The following DLG1 variants were observed in gnomAD, a reference collection of about 807,000 sequenced individuals.
DLG1 encodes disks large homolog 1.
In DLG1, 42 loss-of-function variants were observed where a neutral mutation model predicts 123.4. That is an observed-to-expected ratio of 0.34 (90% CI 0.27 to 0.44). The LOEUF (loss-of-function observed/expected upper bound fraction) is 0.44, where lower values mean the gene tolerates loss of function less well. DLG1 is among the 20% of genes least tolerant of loss of function. The pLI, the probability that DLG1 is intolerant of heterozygous loss-of-function variation, is 1.00. For missense variants in DLG1, 942 were observed against 1,082.6 expected (o/e 0.87, Z 1.82); for synonymous variants, 317 against 356.2 (o/e 0.89, Z 1.24).
At position 197,044,631 on chromosome 3, in the gene DLG1, T is replaced by A; in HGVS notation, c.2674A>T (p.Lys892Ter). The A allele has an allele frequency of 1.2e-6, 2 of 1,602,674 alleles. No individual in the cohort carries two copies. Among genetic ancestry groups the A allele is most frequent in the Non-Finnish European group, 1.7e-6 (2 of 1,172,970 alleles). ...GSYIWVPAKE[K>*]L Reference sequence around the variant, plus strand: ...CAGAGAAACATGAGTTTTCATAGCTTTTCTTTTGCCGGAACCCAGATGTAA... The same window carrying A: ...CAGAGAAACATGAGTTTTCATAGCTATTCTTTTGCCGGAACCCAGATGTAA... Residue 892 changes from lysine (K) to a stop codon, truncating the protein, a stop_gained, in exon 25 of 25, where the codon AAG (lysine) becomes TAG (stop). Transcript: ENST00000667157. LOFTEE classifies it high-confidence loss of function.
At chr3:197,171,884 C>T (rs991126522) in intron 5 of DLG1, among the ~76,000 whole-genome samples, 1 of 152,110 alleles carries the variant, frequency 6.6e-6, no homozygotes, top group African/African-American at 2.4e-5. Context: ...AAACCACAGA[C>T]TTCATGACTA....
In DLG1 at chr3:197,208,950, G is replaced by C. The variant is rs955269509; in HGVS notation, c.319-14361C>G. Among the ~76,000 whole-genome samples the C allele has an allele frequency of 3.0e-4, 44 of 145,820 alleles. 11 individuals carry two copies. The highest frequency in any genetic ancestry group is 6.6e-4 in the Non-Finnish European group (43 of 64,982). ...ATGAGTTGATAAAACAATCATTACA[G>C]GAGATACTGGTACACAGCTAGAAAA... On this transcript the variant is annotated intron_variant, in intron 4 of 24. Transcript: ENST00000667157.
rs1778024947 is a variant in DLG1 at position 197,297,462 on chromosome 3, ACT to A, written c.-31-229_-31-228del. 5.2e-6 allele frequency: 7 copies of A among 1,345,000 alleles called. No individual in the cohort carries two copies. The African/African-American group carries it at 8.9e-5, about 17-fold the overall frequency. The allele number at this position is 1,345,000 out of a possible 1,614,324, so 83.3% of individuals were successfully genotyped here. A position where few individuals can be genotyped will look rare whatever the true frequency, so the allele number is the denominator to read the frequency against. On this transcript the variant is annotated intron_variant, in intron 1 of 24. Transcript: ENST00000667157. ...AGAACAGACAGAAGTCGGCTTCCAA[ACT>A]CTCCTCGAAAGCGTCCCCTCCCCAA...
chr3:197,073,304 A>C (rs944928178), intron 18 of DLG1, among the ~76,000 whole-genome samples: 1 of 152,232 alleles, frequency 6.6e-6, no homozygotes, highest in Non-Finnish European at 1.5e-5. Flanking sequence ...GTTGTACAAC[A>C]TGGAAAGTTG....
chr3:197,228,695 C>T (rs555676792), intron 4 of DLG1, among the ~76,000 whole-genome samples: 5 of 152,140 alleles, frequency 3.3e-5, no homozygotes, highest in Non-Finnish European at 7.4e-5. Flanking sequence ...TAGATTTGCA[C>T]TAAAGTGTCT....
intron 14 of DLG1, among the ~76,000 whole-genome samples, chr3:197,099,685 G>A (rs982446812): frequency 1.3e-4 from 20 of 152,142 alleles, no homozygotes; most frequent in African/African-American, 4.6e-4. Flanking sequence ...GGGTATGGGG[G>A]AAATTGGACT....
intron 5 of DLG1, among the ~76,000 whole-genome samples, chr3:197,181,849 A>G (rs1054638808): frequency 2.6e-5 from 4 of 152,210 alleles, no homozygotes; most frequent in African/African-American, 9.6e-5. Flanking sequence ...ATACTAGCAT[A>G]CAGGAATGCT....
At chr3:197,144,116 C>T (rs1419664251) in intron 6 of DLG1, among the ~76,000 whole-genome samples, 1 of 152,180 alleles carries the variant, frequency 6.6e-6, no homozygotes, top group Non-Finnish European at 1.5e-5. Flanking sequence ...AACTAAATCA[C>T]CCTACCATCA....
intron 5 of DLG1, among the ~76,000 whole-genome samples, chr3:197,169,436 T>C (rs1802999716): frequency 6.6e-6 from 1 of 152,182 alleles, no homozygotes; most frequent in Admixed American, 6.5e-5. Flanking sequence ...ACATTTTGAA[T>C]GTAGAGTTGG....
At chr3:197,253,165 A>G (rs978683456) in intron 4 of DLG1, among the ~76,000 whole-genome samples, 2 of 152,198 alleles carry the variant, frequency 1.3e-5, no homozygotes, top group African/African-American at 4.8e-5. Flanking sequence ...TGGAAATGAT[A>G]TATCTGACTA....
At chr3:197,090,256 G>C (rs1415395261) in intron 15 of DLG1, among the ~76,000 whole-genome samples, 3 of 148,974 alleles carry the variant, frequency 2.0e-5, no homozygotes, top group Non-Finnish European at 4.5e-5. Context: ...AAAGTATACA[G>C]AATACAAATA....
intron 13 of DLG1, among the ~76,000 whole-genome samples, chr3:197,108,469 C>A (rs1767845547): frequency 6.6e-6 from 1 of 152,040 alleles, no homozygotes; most frequent in Admixed American, 6.5e-5. Flanking sequence ...AATTCAATTT[C>A]CTTGTTTTAA....
At chr3:197,212,409 A>G (rs546912380) in intron 4 of DLG1, among the ~76,000 whole-genome samples, 5 of 152,340 alleles carry the variant, frequency 3.3e-5, no homozygotes, top group East Asian at 1.9e-4. Flanking sequence ...AACTGTCTCT[A>G]TTTGCAAATG....
chr3:197,081,908 A>C (rs1210694006), intron 16 of DLG1, among the ~76,000 whole-genome samples: 1 of 152,228 alleles, frequency 6.6e-6, no homozygotes, highest in Non-Finnish European at 1.5e-5. Context: ...GCAAAATGTC[A>C]TGTAAATTAA....
Position 197,247,687 on chromosome 3 carries a change from T to TA in DLG1, c.318+34991dup, listed in dbSNP as rs549396279. 5.2e-4 allele frequency among the ~76,000 whole-genome samples: 79 copies of TA among 152,334 alleles called. No homozygotes were observed. The South Asian group carries it at 8.3e-3, about 16-fold the overall frequency. On this transcript the variant is annotated intron_variant, in intron 4 of 24. Transcript: ENST00000667157. ...TATTTTATCATCTGTTGCTTTCTCT[T>TA]ATGTTTAGTCCTCTCATTATCTTTC...
chr3:197,284,335 C>T (rs1770794591), intron 3 of DLG1, among the ~76,000 whole-genome samples: 1 of 152,176 alleles, frequency 6.6e-6, no homozygotes, highest in African/African-American at 2.4e-5. Flanking sequence ...AACACACACA[C>T]ATCACACTAT....
At chr3:197,076,736 T>A in intron 17 of DLG1, 51 bp from the exon 18 acceptor site, 1 of 1,406,284 alleles carries the variant, frequency 7.1e-7, no homozygotes. Context: ...TGTCTGTGTG[T>A]ACAAAGGCCC....
chr3:197,157,715 A>G (rs1475817385), intron 5 of DLG1, among the ~76,000 whole-genome samples: 1 of 152,212 alleles, frequency 6.6e-6, no homozygotes. Context: ...ATAGAATTTC[A>G]CGGTACCCTG....
chr3:197,145,290 T>G (rs1283084904), intron 6 of DLG1, among the ~76,000 whole-genome samples: 1 of 152,220 alleles, frequency 6.6e-6, no homozygotes, highest in Non-Finnish European at 1.5e-5. Context: ...AGTCTATCAG[T>G]CTTTATCGAA....
Sources: gnomAD v4.1 joint callset for allele counts (sites outside exome capture counted in the v4.1 genomes callset) on GRCh38, gnomAD v4.1.1 for gene constraint, MANE v1.5 for transcripts, NCBI Gene and HGNC (gene_info 2026-07-23, HGNC 2026-07-21) for gene names.